The following SH3GL2 variants were observed in gnomAD, a reference collection of about 807,000 sequenced individuals.
SH3GL2 encodes endophilin-A1.
SH3GL2 carries 24 observed loss-of-function variants against 46.0 expected under a neutral mutation model. The observed-to-expected ratio is 0.52, with a 90% CI of 0.38 to 0.73. SH3GL2 has a LOEUF of 0.73. SH3GL2 is among the 30% of genes least tolerant of loss of function. The pLI is 0.00. For synonymous variants in SH3GL2, 196 were observed against 147.1 expected (o/e 1.33, Z -2.40); for missense variants, 413 against 424.2 (o/e 0.97, Z 0.23).
At chr9:17,580,523 T>C (rs759528301) in intron 1 of SH3GL2, among the ~76,000 whole-genome samples, 17 of 152,254 alleles carry the variant, frequency 1.1e-4, no homozygotes, top group Non-Finnish European at 1.6e-4. Context: ...GAATCAATTA[T>C]ACCTGTCAAC....
intron 2 of SH3GL2, among the ~76,000 whole-genome samples, chr9:17,757,422 C>G (rs914492118): frequency 3.9e-5 from 6 of 152,220 alleles, no homozygotes; most frequent in Non-Finnish European, 8.8e-5. Flanking sequence ...TGACAAAGAG[C>G]TAATATCCAG....
intron 1 of SH3GL2, among the ~76,000 whole-genome samples, chr9:17,712,886 TA>T (rs11347394): frequency 0.12 from 14,247 of 122,376 alleles, 2,334 homozygotes; most frequent in African/African-American, 0.38. Context: ...TCACTAGCTA[TA>T]ACCTTGATTA....
intron 3 of SH3GL2, 116 bp from the exon 4 acceptor site, chr9:17,786,265 A>C: frequency 1.1e-6 from 1 of 889,424 alleles, no homozygotes; most frequent in Admixed American, 2.4e-5. Flanking sequence ...CTGAAGGTAC[A>C]CTTATCAGTA....
chr9:17,703,459 A>G (rs1821387051), intron 1 of SH3GL2, among the ~76,000 whole-genome samples: 1 of 151,970 alleles, frequency 6.6e-6, no homozygotes, highest in Non-Finnish European at 1.5e-5. Flanking sequence ...TGAGGTCAGC[A>G]TCATCCTGAT....
intron 1 of SH3GL2, among the ~76,000 whole-genome samples, chr9:17,604,629 T>G (rs552895110): frequency 2.2e-4 from 33 of 152,312 alleles, no homozygotes; most frequent in South Asian, 2.1e-4. Context: ...AGCACTTGTC[T>G]TGGTGTGGTG....
intron 2 of SH3GL2, among the ~76,000 whole-genome samples, chr9:17,760,525 G>C (rs897691605): frequency 6.6e-5 from 10 of 151,956 alleles, no homozygotes; most frequent in Admixed American, 3.3e-4. Context: ...AGGTACAGCA[G>C]GTTATGGAAA....
chr9:17,769,035 C>G (rs892591852), intron 3 of SH3GL2, among the ~76,000 whole-genome samples: 1 of 152,002 alleles, frequency 6.6e-6, no homozygotes, highest in African/African-American at 2.4e-5. Flanking sequence ...AGCCCCTTTG[C>G]TTCAATCACT....
chr9:17,589,471 C>T (rs897971618), intron 1 of SH3GL2: 7 of 152,114 alleles, frequency 4.6e-5, no homozygotes, highest in East Asian at 3.9e-4. Flanking sequence ...ACAGTGGCAC[C>T]GTTAAGTACT....
chr9:17,607,255 G>A (rs1288643173), intron 1 of SH3GL2, among the ~76,000 whole-genome samples: 1 of 152,152 alleles, frequency 6.6e-6, no homozygotes, highest in Non-Finnish European at 1.5e-5. Context: ...TTGCTCCAAG[G>A]TAATGAACCT....
chr9:17,768,137 C>T (rs972753570), intron 3 of SH3GL2, among the ~76,000 whole-genome samples: 4 of 151,916 alleles, frequency 2.6e-5, no homozygotes, highest in Non-Finnish European at 4.4e-5. Flanking sequence ...TTTGGGAGGC[C>T]GAGGTGGGCG....
intron 1 of SH3GL2, among the ~76,000 whole-genome samples, chr9:17,713,284 G>A (rs1337909864): frequency 6.6e-6 from 1 of 151,328 alleles, no homozygotes; most frequent in East Asian, 1.9e-4. Context: ...GATAATTTAT[G>A]TATTCTTTTC....
chr9:17,718,232 C>G (rs1251521517), intron 1 of SH3GL2, among the ~76,000 whole-genome samples: 7 of 152,104 alleles, frequency 4.6e-5, no homozygotes, highest in African/African-American at 1.7e-4. Flanking sequence ...GGTTTTGTAG[C>G]ACTAGTTCAT....
At chr9:17,685,984 C>A (rs1419417817) in intron 1 of SH3GL2, among the ~76,000 whole-genome samples, 37 of 145,962 alleles carry the variant, frequency 2.5e-4, no homozygotes, top group Non-Finnish European at 3.9e-4. Flanking sequence ...GCAAAAGAAA[C>A]TACCATCAGA....
At chr9:17,782,218 C>CT in intron 3 of SH3GL2, among the ~76,000 whole-genome samples, 1 of 152,106 alleles carries the variant, frequency 6.6e-6, no homozygotes, top group Non-Finnish European at 1.5e-5. Context: ...TCAATTTAAT[C>CT]TTTTTTAAAC....
At chr9:17,642,870 T>C (rs1233407754) in intron 1 of SH3GL2, among the ~76,000 whole-genome samples, 1 of 152,212 alleles carries the variant, frequency 6.6e-6, no homozygotes, top group Non-Finnish European at 1.5e-5. Context: ...AGTAGTTTTT[T>C]CTAATTCTGT....
intron 1 of SH3GL2, among the ~76,000 whole-genome samples, chr9:17,718,919 C>A (rs1327764235): frequency 6.6e-6 from 1 of 152,018 alleles, no homozygotes; most frequent in African/African-American, 2.4e-5. Context: ...TCTTCTTCTG[C>A]GTGTGACCTT....
At chr9:17,595,947 G>A (rs1288656807) in intron 1 of SH3GL2, among the ~76,000 whole-genome samples, 1 of 152,084 alleles carries the variant, frequency 6.6e-6, no homozygotes. Context: ...TTATGGGTGA[G>A]TAGTGTTTCT....
chr9:17,582,457 A>G (rs1036350605), intron 1 of SH3GL2, among the ~76,000 whole-genome samples: 1 of 152,140 alleles, frequency 6.6e-6, no homozygotes, highest in Non-Finnish European at 1.5e-5. Flanking sequence ...AAGTCATGTC[A>G]GTTTTTTTAC....
At position 17,796,569 on chromosome 9, in the gene SH3GL2, C is replaced by G. The variant is rs1824278468; in HGVS notation, c.*826C>G. 6.6e-6 allele frequency: 1 copy of G among 152,332 alleles called. No individual in the cohort carries two copies. The highest frequency in any genetic ancestry group is 6.5e-5 in the Admixed American group (1 of 15,278). The allele number at this position is 152,332 out of a possible 1,614,324, so 9.4% of individuals were successfully genotyped here. A position where few individuals can be genotyped will look rare whatever the true frequency, so the allele number is the denominator to read the frequency against. ...GGCACAGGGAAGGGGGAACAAATAT[C>G]TTCACTTCAGTTTTATTTGTGAATT... On this transcript the variant is annotated 3_prime_UTR_variant, in exon 9 of 9. Transcript: ENST00000380607.
Sources: gnomAD v4.1 joint callset for allele counts (sites outside exome capture counted in the v4.1 genomes callset) on GRCh38, gnomAD v4.1.1 for gene constraint, MANE v1.5 for transcripts, NCBI Gene and HGNC (gene_info 2026-07-23, HGNC 2026-07-21) for gene names.